TENM2: variants seen among roughly 807,000 people sequenced by gnomAD.
TENM2 encodes teneurin transmembrane protein 2.
In TENM2, 52 loss-of-function variants were observed where a neutral mutation model predicts 245.2. That is an observed-to-expected ratio of 0.21 (90% CI 0.17 to 0.27). The LOEUF (loss-of-function observed/expected upper bound fraction) is 0.27, where lower values mean the gene tolerates loss of function less well. Ranked by LOEUF, TENM2 falls within the 10% of genes least tolerant of loss-of-function variation. The pLI, the probability that TENM2 is intolerant of heterozygous loss-of-function variation, is 1.00. For synonymous variants in TENM2, 1,363 were observed against 1,438.9 expected (o/e 0.95, Z 1.19); for missense variants, 3,046 against 3,666.8 (o/e 0.83, Z 4.37).
At chr5:167,908,806 G>A (rs1027149604) in intron 3 of TENM2, among the ~76,000 whole-genome samples, 2 of 151,664 alleles carry the variant, frequency 1.3e-5, no homozygotes, top group Admixed American at 1.3e-4. Flanking sequence ...CAGTTCTCCA[G>A]CCAGAGTGTA....
the TENM2 span, among the ~76,000 whole-genome samples, chr5:167,055,517 G>C: frequency 2.6e-5 from 4 of 152,186 alleles, no homozygotes; most frequent in African/African-American, 9.6e-5. Context: ...ATTTTGACAA[G>C]ATTGAGTTTT....
At chr5:168,188,093 A>G (rs1054154282) in intron 13 of TENM2, among the ~76,000 whole-genome samples, 10 of 152,218 alleles carry the variant, frequency 6.6e-5, no homozygotes, top group African/African-American at 2.4e-4. Context: ...GCTAAAAAGA[A>G]AGTAATGCAT....
intron 2 of TENM2, among the ~76,000 whole-genome samples, chr5:167,664,254 C>T (rs1317015938): frequency 2.0e-5 from 3 of 152,096 alleles, no homozygotes; most frequent in African/African-American, 7.2e-5. Context: ...AGCCCCTTGG[C>T]CTGAGGATAG....
chr5:168,110,143 C>T (rs1794568759), intron 9 of TENM2, among the ~76,000 whole-genome samples: 2 of 148,196 alleles, frequency 1.3e-5, no homozygotes, highest in Non-Finnish European at 3.0e-5. Context: ...ATGTGATGCA[C>T]ACAGAGCTAG....
chr5:168,082,853 G>A (rs888365482), intron 7 of TENM2, among the ~76,000 whole-genome samples: 6 of 152,194 alleles, frequency 3.9e-5, no homozygotes, highest in African/African-American at 1.4e-4. Flanking sequence ...TGAGGTGTCA[G>A]TCGGCCCCTA....
At chr5:167,438,739 G>C (rs2127456276) in intron 2 of TENM2, among the ~76,000 whole-genome samples, 1 of 151,966 alleles carries the variant, frequency 6.6e-6, no homozygotes, top group South Asian at 2.1e-4. Context: ...GTGTATCTAA[G>C]TAGTAATCAT....
rs1766420974 is a variant in TENM2 at position 168,244,997 on chromosome 5, A to G, written c.5817+281A>G. ...TGGCCAGGCTGGTCTCGAATTCCTG[A>G]CCTCAGGTGATCGCCCACCTCAGCC... On this transcript the variant is annotated intron_variant, in intron 26 of 28. Transcript: ENST00000518659. The surrounding 1 kb of genome is among the most constrained non-coding windows in gnomAD (Gnocchi z 4.9). Among the ~76,000 whole-genome samples, 2 of 151,844 alleles carry G rather than the reference A, an allele frequency of 1.3e-5. No homozygotes were observed. The highest frequency in any genetic ancestry group is 2.4e-5 in the African/African-American group (1 of 41,354).
intron 2 of TENM2, among the ~76,000 whole-genome samples, chr5:167,711,689 T>C (rs1295364592): frequency 6.6e-6 from 1 of 152,192 alleles, no homozygotes. Context: ...CTTTTCCTTC[T>C]TCTCCCATCA....
intron 2 of TENM2, among the ~76,000 whole-genome samples, chr5:167,605,906 A>G (rs1777008875): frequency 6.6e-6 from 1 of 152,316 alleles, no homozygotes. Context: ...TCTGGTTCCC[A>G]GGTTAGGGAT....
At chr5:168,262,558 G>C (rs983122614) in exon 29 of TENM2, 1 of 1,560,322 alleles carries the variant, frequency 6.4e-7, no homozygotes, top group Non-Finnish European at 8.7e-7. Context: ...TGGACGAAGA[G>C]AAGGCCCGCG....
intron 2 of TENM2, among the ~76,000 whole-genome samples, chr5:167,435,828 TG>T (rs1353265971): frequency 6.6e-6 from 1 of 152,122 alleles, no homozygotes; most frequent in Non-Finnish European, 1.5e-5. Context: ...AGGAACTTGT[TG>T]GGAAGTGGAG....
chr5:167,841,105 G>A (rs1161554487), intron 2 of TENM2, among the ~76,000 whole-genome samples: 1 of 150,562 alleles, frequency 6.6e-6, no homozygotes. Context: ...CAACCCGGAT[G>A]GAGTACAGTG....
At chr5:167,625,528 T>C (rs908427072) in intron 2 of TENM2, among the ~76,000 whole-genome samples, 15 of 152,234 alleles carry the variant, frequency 9.9e-5, no homozygotes, top group Non-Finnish European at 2.1e-4. Flanking sequence ...TGATCATTTT[T>C]TATGTGTCTG....
At chr5:167,701,708 G>A (rs910799487) in intron 2 of TENM2, among the ~76,000 whole-genome samples, 9 of 152,180 alleles carry the variant, frequency 5.9e-5, no homozygotes, top group African/African-American at 2.2e-4. Flanking sequence ...CAAAGTGCCT[G>A]ATTCCTAGTT....
chr5:167,214,927 C>T, the TENM2 span, among the ~76,000 whole-genome samples: 1 of 152,128 alleles, frequency 6.6e-6, no homozygotes, highest in Non-Finnish European at 1.5e-5. Flanking sequence ...TTTTTGCTTG[C>T]CAATCTCCTG....
At chr5:167,388,783 G>A (rs192909729) in intron 2 of TENM2, among the ~76,000 whole-genome samples, 5 of 152,164 alleles carry the variant, frequency 3.3e-5, no homozygotes, top group African/African-American at 1.2e-4. Flanking sequence ...AACAGGTTAT[G>A]TAATTTCCAT....
At chr5:167,609,488 CAAAAAAAA>C (rs5873049) in intron 2 of TENM2, among the ~76,000 whole-genome samples, 23 of 36,688 alleles carry the variant, frequency 6.3e-4, no homozygotes, top group Middle Eastern at 0.036. Context: ...CCTGATGATG[CAAAAAAAA>C]AAAAAAAAAA....
At chr5:167,467,386 C>T (rs888895351) in intron 2 of TENM2, among the ~76,000 whole-genome samples, 1 of 152,048 alleles carries the variant, frequency 6.6e-6, no homozygotes, top group African/African-American at 2.4e-5. Flanking sequence ...ACCTCCTTTG[C>T]TTATAAATTA....
chr5:168,204,319 CAT>C (rs906907921), intron 18 of TENM2, 51 bp from the exon 21 acceptor site: 49 of 1,577,048 alleles, frequency 3.1e-5, no homozygotes, highest in Non-Finnish European at 4.1e-5. Context: ...GGCCAATACA[CAT>C]GTCTTCCCCA....
Sources: gnomAD v4.1 joint callset for allele counts (sites outside exome capture counted in the v4.1 genomes callset) on GRCh38, gnomAD v4.1.1 for gene constraint, Gnocchi (gnomAD v3.1) non-coding constraint, MANE v1.5 for transcripts, NCBI Gene and HGNC (gene_info 2026-07-23, HGNC 2026-07-21) for gene names.